C1QTNF7: variants seen among roughly 807,000 people sequenced by gnomAD.
C1QTNF7 encodes the protein C1q and TNF related 7.
A neutral mutation model predicts 19.6 loss-of-function variants in C1QTNF7; 15 were observed. That is an observed-to-expected ratio of 0.76 (90% CI 0.51 to 1.18). The LOEUF (loss-of-function observed/expected upper bound fraction) is 1.18. Ranked by LOEUF, C1QTNF7 falls within the 50% of genes most tolerant of loss-of-function variation. The pLI is 0.00. For synonymous variants in C1QTNF7, 142 were observed against 137.5 expected (o/e 1.03, Z -0.23); for missense variants, 324 against 359.7 (o/e 0.90, Z 0.80).
chr4:15,340,125 A>G, exon 1 of C1QTNF7: 1 of 1,502,012 alleles, frequency 6.7e-7, no homozygotes, highest in Non-Finnish European at 9.1e-7. Flanking sequence ...AATTTTTAAT[A>G]GTTAACTACA....
intron 1 of C1QTNF7, among the ~76,000 whole-genome samples, chr4:15,394,564 A>C (rs1560354117): frequency 6.6e-6 from 1 of 152,260 alleles, no homozygotes; most frequent in Non-Finnish European, 1.5e-5. Flanking sequence ...AAGTTTGAAC[A>C]GTGGGAATCC....
intron 1 of C1QTNF7, chr4:15,340,272 T>A: frequency 4.6e-6 from 7 of 1,523,304 alleles, no homozygotes; most frequent in Non-Finnish European, 6.2e-6. Context: ...ATCAAAATAT[T>A]TCCTGGGAGA....
chr4:15,363,645 T>C (rs997990812), intron 1 of C1QTNF7, among the ~76,000 whole-genome samples: 1 of 152,140 alleles, frequency 6.6e-6, no homozygotes, highest in Admixed American at 6.6e-5. Flanking sequence ...AAGGTGGGCA[T>C]TTACCTGGCC....
At chr4:15,354,888 A>G (rs1717078274) in intron 1 of C1QTNF7, among the ~76,000 whole-genome samples, 1 of 152,112 alleles carries the variant, frequency 6.6e-6, no homozygotes. Context: ...CTTTAAGGAT[A>G]ATTTTCTTTA....
chr4:15,404,092 T>C (rs1484190421), intron 1 of C1QTNF7, among the ~76,000 whole-genome samples: 1 of 152,066 alleles, frequency 6.6e-6, no homozygotes, highest in Non-Finnish European at 1.5e-5. Context: ...CCTTAGTTTA[T>C]TTAAGTAGTT....
chr4:15,414,223 T>A (rs1204947714), intron 1 of C1QTNF7, among the ~76,000 whole-genome samples: 1 of 152,246 alleles, frequency 6.6e-6, no homozygotes, highest in Non-Finnish European at 1.5e-5. Context: ...TAAAAATTCA[T>A]GATCATTAAG....
chr4:15,351,395 A>T (rs1367003000), intron 1 of C1QTNF7, among the ~76,000 whole-genome samples: 1 of 152,192 alleles, frequency 6.6e-6, no homozygotes, highest in Non-Finnish European at 1.5e-5. Flanking sequence ...TGCCTTAATT[A>T]TAAGATTTGC....
chr4:15,428,937 T>C (rs1403382274), intron 1 of C1QTNF7, among the ~76,000 whole-genome samples: 1 of 152,236 alleles, frequency 6.6e-6, no homozygotes, highest in Non-Finnish European at 1.5e-5. Context: ...CCCTTTGTCA[T>C]GAAGTAATAT....
intron 1 of C1QTNF7, among the ~76,000 whole-genome samples, chr4:15,387,257 G>T (rs1005678014): frequency 6.6e-6 from 1 of 152,156 alleles, no homozygotes; most frequent in Non-Finnish European, 1.5e-5. Flanking sequence ...GCAAGAGAAG[G>T]TGCTGGATGA....
upstream of C1QTNF7, among the ~76,000 whole-genome samples, chr4:15,427,173 T>C (rs915995402): frequency 2.6e-5 from 4 of 152,210 alleles, no homozygotes; most frequent in Non-Finnish European, 5.9e-5. Context: ...CAACATCCAC[T>C]TCACTAACTC....
At chr4:15,440,683 G>T (rs1290270475) in intron 2 of C1QTNF7, among the ~76,000 whole-genome samples, 1 of 152,094 alleles carries the variant, frequency 6.6e-6, no homozygotes, top group African/African-American at 2.4e-5. Context: ...TGGGATTACA[G>T]GCGTGAGTCA....
intron 1 of C1QTNF7, among the ~76,000 whole-genome samples, chr4:15,367,240 C>T (rs996434255): frequency 6.6e-6 from 1 of 152,148 alleles, no homozygotes; most frequent in African/African-American, 2.4e-5. Context: ...ATAGAGTCTT[C>T]TAAATTATAC....
chr4:15,434,537 G>A (rs184138392), intron 1 of C1QTNF7, among the ~76,000 whole-genome samples: 2 of 152,160 alleles, frequency 1.3e-5, no homozygotes, highest in East Asian at 3.9e-4. Flanking sequence ...TTAAAGCATG[G>A]GTCCAACCAT....
upstream of C1QTNF7, among the ~76,000 whole-genome samples, chr4:15,423,636 C>T (rs530513602): frequency 1.3e-5 from 2 of 152,338 alleles, no homozygotes; most frequent in Admixed American, 1.3e-4. Context: ...AGGACCAAAA[C>T]CTCCCGTGGC....
intron 1 of C1QTNF7, among the ~76,000 whole-genome samples, chr4:15,420,981 A>G (rs1431326341): frequency 6.6e-6 from 1 of 151,842 alleles, no homozygotes; most frequent in Non-Finnish European, 1.5e-5. Context: ...TATGTATGCA[A>G]GAGGCACCAC....
chr4:15,442,058 A>G, intron 2 of C1QTNF7, 110 bp from the exon 3 acceptor site: 1 of 1,216,642 alleles, frequency 8.2e-7, no homozygotes, highest in Non-Finnish European at 1.2e-6. Flanking sequence ...GTACACTGTT[A>G]AATGTTGCCT....
chr4:15,400,106 C>T (rs1365188143), intron 1 of C1QTNF7, among the ~76,000 whole-genome samples: 1 of 152,172 alleles, frequency 6.6e-6, no homozygotes, highest in Admixed American at 6.5e-5. Context: ...GGAAATGACA[C>T]TGCAACTAAG....
chr4:15,421,435 C>G (rs1478608567), intron 1 of C1QTNF7, among the ~76,000 whole-genome samples: 1 of 152,132 alleles, frequency 6.6e-6, no homozygotes, highest in East Asian at 1.9e-4. Flanking sequence ...TACCAAAGAA[C>G]AGTAGCCAAA....
upstream of C1QTNF7, among the ~76,000 whole-genome samples, chr4:15,424,728 CT>C (rs1246815627): frequency 6.6e-6 from 1 of 152,200 alleles, no homozygotes; most frequent in Non-Finnish European, 1.5e-5. Context: ...AACCACTAAT[CT>C]TTTCTGAATT....
Sources: gnomAD v4.1 joint callset for allele counts (sites outside exome capture counted in the v4.1 genomes callset) on GRCh38, gnomAD v4.1.1 for gene constraint, MANE v1.5 for transcripts, NCBI Gene and HGNC (gene_info 2026-07-23, HGNC 2026-07-21) for gene names.